Variants in PCDHA5 observed in about 807,000 individuals in gnomAD.
The protein encoded by PCDHA5 is protocadherin alpha 5.
PCDHA5 carries 43 observed loss-of-function variants against 61.6 expected under a neutral mutation model. That is an observed-to-expected ratio of 0.70 (90% confidence interval 0.55 to 0.90). PCDHA5 has a LOEUF of 0.90. PCDHA5 is among the 40% of genes least tolerant of loss of function. PCDHA5 has a pLI of 0.00. For synonymous variants in PCDHA5, 627 were observed against 543.9 expected (o/e 1.15, Z -2.13); for missense variants, 1,298 against 1,222.7 (o/e 1.06, Z -0.92).
At chr5:140,850,194 A>G (rs1581216724) in intron 1 of PCDHA5, 2 of 1,592,988 alleles carry the variant, frequency 1.3e-6, no homozygotes, top group East Asian at 2.3e-5. Context: ...GGCGCTGCTG[A>G]CACCTCGGAT....
intron 1 of PCDHA5, chr5:140,967,750 C>G (rs782284231): frequency 6.2e-7 from 1 of 1,614,190 alleles, no homozygotes; most frequent in South Asian, 1.1e-5. Flanking sequence ...ATGAGGAAGC[C>G]TCCTCCTACC....
At chr5:140,886,042 A>G (rs1450330062) in intron 1 of PCDHA5, among the ~76,000 whole-genome samples, 1 of 152,222 alleles carries the variant, frequency 6.6e-6, no homozygotes, top group African/African-American at 2.4e-5. Context: ...GTTTTCCCCA[A>G]TAGTAACATC....
intron 1 of PCDHA5, chr5:140,883,883 G>A (rs1554180418): frequency 1.2e-6 from 2 of 1,613,320 alleles, no homozygotes; most frequent in South Asian, 1.1e-5. Flanking sequence ...GAGCGCGCGC[G>A]ACTCTGGCGT....
At chr5:140,922,715 G>A (rs1221596173) in intron 1 of PCDHA5, among the ~76,000 whole-genome samples, 1 of 152,038 alleles carries the variant, frequency 6.6e-6, no homozygotes, top group East Asian at 1.9e-4. Flanking sequence ...AGAACAAAAA[G>A]AAACACTTGA....
At chr5:140,850,471 T>C (rs2150485589) in intron 1 of PCDHA5, 1 of 1,597,870 alleles carries the variant, frequency 6.3e-7, no homozygotes, top group Non-Finnish European at 8.6e-7. Context: ...GAGCCAGCGC[T>C]GACGGCCACG....
chr5:140,832,529 C>T (rs1417040137), intron 1 of PCDHA5, among the ~76,000 whole-genome samples: 1 of 152,170 alleles, frequency 6.6e-6, no homozygotes, highest in Non-Finnish European at 1.5e-5. Context: ...TGAAGATCAC[C>T]ATTTGTGTAG....
intron 1 of PCDHA5, among the ~76,000 whole-genome samples, chr5:140,837,365 T>C (rs1775021898): frequency 6.6e-6 from 1 of 152,028 alleles, no homozygotes; most frequent in African/African-American, 2.4e-5. Context: ...GGCAGTTTAA[T>C]AGTATTTTTT....
chr5:140,869,654 C>G, intron 1 of PCDHA5: 2 of 1,613,446 alleles, frequency 1.2e-6, no homozygotes, highest in African/African-American at 1.3e-5. Context: ...GATTCACCAA[C>G]AAATGGTAAG....
At chr5:140,927,471 C>A (rs1371582285) in intron 1 of PCDHA5, 2 of 1,613,968 alleles carry the variant, frequency 1.2e-6, no homozygotes, top group African/African-American at 1.3e-5. Flanking sequence ...CACTGGATCG[C>A]GAACAGCGCG....
intron 1 of PCDHA5, among the ~76,000 whole-genome samples, chr5:140,975,016 G>C (rs782435284): frequency 6.6e-6 from 1 of 152,128 alleles, no homozygotes; most frequent in Non-Finnish European, 1.5e-5. Context: ...AACACAGCTG[G>C]GCTGTGTTGT....
At chr5:140,829,792 G>C in intron 1 of PCDHA5, 2 of 1,613,832 alleles carry the variant, frequency 1.2e-6, no homozygotes, top group Non-Finnish European at 1.7e-6. Flanking sequence ...CGCTGCTGGC[G>C]CCTCGGGTGG....
chr5:140,917,485 C>T (rs191372458), intron 1 of PCDHA5, among the ~76,000 whole-genome samples: 1 of 152,326 alleles, frequency 6.6e-6, no homozygotes, highest in Admixed American at 6.5e-5. Flanking sequence ...TTGCCAGGGC[C>T]TATGCCCAGA....
At chr5:140,968,008 CT>C (rs782634586) in intron 1 of PCDHA5, 1 of 1,614,202 alleles carries the variant, frequency 6.2e-7, no homozygotes, top group Non-Finnish European at 8.5e-7. Context: ...GACTGAATGG[CT>C]TTGGAAACTC....
intron 1 of PCDHA5, among the ~76,000 whole-genome samples, chr5:140,948,646 G>A (rs1030231985): frequency 3.3e-5 from 5 of 151,616 alleles, no homozygotes; most frequent in South Asian, 2.1e-4. Context: ...ATCTTTTAAC[G>A]TCTGTATAAT....
At chr5:140,981,601 T>C (rs2096939953) in intron 2 of PCDHA5, among the ~76,000 whole-genome samples, 1 of 152,086 alleles carries the variant, frequency 6.6e-6, no homozygotes, top group Non-Finnish European at 1.5e-5. Flanking sequence ...AACAAAATGT[T>C]CCTCTAATTT....
intron 1 of PCDHA5, among the ~76,000 whole-genome samples, chr5:140,895,893 C>A (rs899081253): frequency 6.6e-6 from 1 of 152,188 alleles, no homozygotes; most frequent in African/African-American, 2.4e-5. Context: ...CTCACTGCAA[C>A]CTCCGCGTCC....
intron 1 of PCDHA5, chr5:140,867,389 A>T (rs906088628): frequency 6.6e-5 from 10 of 152,166 alleles, no homozygotes; most frequent in Non-Finnish European, 1.2e-4. Context: ...TAACGGTTAT[A>T]AAAGTTGATA....
chr5:140,887,561 CT>C (rs2061497104), intron 1 of PCDHA5, among the ~76,000 whole-genome samples: 1 of 151,690 alleles, frequency 6.6e-6, no homozygotes, highest in Non-Finnish European at 1.5e-5. Context: ...ACTGTTAAAA[CT>C]TTTCTTTTTA....
intron 1 of PCDHA5, chr5:140,863,305 T>C: frequency 1.4e-6 from 2 of 1,463,102 alleles, no homozygotes; most frequent in Non-Finnish European, 1.9e-6. Context: ...CATCGCCATC[T>C]GCGTGGTGTC....
Sources: gnomAD v4.1 joint callset for allele counts (sites outside exome capture counted in the v4.1 genomes callset) on GRCh38, gnomAD v4.1.1 for gene constraint, MANE v1.5 for transcripts, NCBI Gene and HGNC (gene_info 2026-07-23, HGNC 2026-07-21) for gene names.